FBXO24: variants seen among roughly 807,000 people sequenced by gnomAD.
The protein encoded by FBXO24 is F-box protein 24.
A neutral mutation model predicts 63.5 loss-of-function variants in FBXO24; 30 were observed. The ratio of observed to expected loss-of-function variants is 0.47; its 90% confidence interval spans 0.35 to 0.64. The LOEUF is 0.64. Ranked by LOEUF, FBXO24 falls within the 30% of genes least tolerant of loss-of-function variation. The probability of loss-of-function intolerance (pLI) is 0.00; values close to 1 mark genes in which losing one functional copy is unlikely to be tolerated. For missense variants in FBXO24, 624 were observed against 763.4 expected (o/e 0.82, Z 2.15); for synonymous variants, 300 against 305.0 (o/e 0.98, Z 0.17).
At position 100,594,409 on chromosome 7, in the gene FBXO24, G is replaced by C. The variant is rs760192842; in HGVS notation, c.820G>C (p.Val274Leu). ...TEEGKIYSLV[V>L]NETQLDQPRS... is the part of the protein sequence containing the mutation. ...GGAAGGAAAGATCTACTCTTTGGTA[G>C]TGAATGAGACCCAGCTTGACCAGCC... Residue 274 changes from valine (V) to leucine (L), a missense_variant, in exon 6 of 10, where the codon GTG becomes CTG. This residue lies in a region of FBXO24 where 391 missense variants were observed against 469.1 expected (regional missense o/e 0.83). Transcript: ENST00000241071. The surrounding 1 kb of genome is among the most constrained non-coding windows in gnomAD (Gnocchi z 4.2). The C allele has an allele frequency of 8.1e-6, 13 of 1,612,922 alleles. No homozygotes were observed. In the South Asian group the frequency reaches 1.4e-4, roughly 18 times the overall value.
chr7:100,601,015 G>A lies in FBXO24; in HGVS notation c.*116G>A, dbSNP rs570862841. The A allele has an allele frequency of 7.7e-4, 1,096 of 1,426,262 alleles. 20 individuals are homozygous for A. In the South Asian group the frequency reaches 0.012, roughly 16 times the overall value. 88.4% of individuals were successfully genotyped at this position (1,426,262 alleles called of 1,614,324 possible). ...GAAGGGGTTGCTAGGGGGTGGGGACGGCTAACCAGGGTAAGAATGTTCAGG... is the reference window on the plus strand; with the variant it reads ...GAAGGGGTTGCTAGGGGGTGGGGACAGCTAACCAGGGTAAGAATGTTCAGG... On this transcript the variant is annotated 3_prime_UTR_variant, in exon 10 of 10. Coordinates refer to ENST00000241071, the MANE Select transcript of FBXO24 (RefSeq NM_033506.3).
At position 100,600,740 on chromosome 7, in the gene FBXO24, T is replaced by C. The variant is rs578213092; in HGVS notation, c.1584T>C (p.Ser528=). ...AGGAGTACCTCAGCCAGATCCACAGTTGCCAAACGTTGCAGGACCGCACGG... is the reference window on the plus strand; with the variant it reads ...AGGAGTACCTCAGCCAGATCCACAGCTGCCAAACGTTGCAGGACCGCACGG... ...ACEEYLSQIH[S]CQTLQDRTEK... is the part of the protein sequence containing the mutation. Residue 528 remains serine, a synonymous_variant, in exon 10 of 10, where the codon AGT becomes AGC. Transcript: ENST00000241071. This position sits in a 1 kb window ranked among gnomAD's most constrained non-coding sequence, Gnocchi z 6.3. 3 of 1,614,100 alleles carry C rather than the reference T, an allele frequency of 1.9e-6. No individual in the cohort carries two copies. In the African/African-American group the frequency reaches 4.0e-5, roughly 22 times the overall value.
rs968062907 is a variant in FBXO24, at chr7:100,590,508, C to G, written c.322+151C>G. The G allele has an allele frequency of 3.7e-5, 29 of 788,314 alleles. 1 individual carries two copies. The highest frequency in any genetic ancestry group is 5.1e-5 in the Non-Finnish European group (26 of 511,940). 48.8% of individuals were successfully genotyped at this position (788,314 alleles called of 1,614,324 possible). ...AACGGGTCCAGTTCAAACATTCTCC[C>G]TTGAGTACTTCCTCCAAGTCTTCGG... On this transcript the variant is annotated intron_variant, in intron 3 of 9. Coordinates refer to ENST00000241071, the MANE Select transcript of FBXO24 (RefSeq NM_033506.3).
At position 100,586,481 on chromosome 7, in the gene FBXO24, C is replaced by A; in HGVS notation, c.-145C>A. 1 of 838,734 alleles carries A rather than the reference C, an allele frequency of 1.2e-6. No individual in the cohort carries two copies. The highest frequency in any genetic ancestry group is 2.0e-6 in the Non-Finnish European group (1 of 512,114). The allele number at this position is 838,734 out of a possible 1,614,324, so 52.0% of individuals were successfully genotyped here. ...AGCAGGAAAACGGGCCGAGGGACCG[C>A]AAGCAGGGGGTGCCTAGTCCTCGTC... is the stretch of plus-strand genomic sequence containing the variant. On this transcript the variant is annotated 5_prime_UTR_variant, in exon 1 of 10. Transcript: ENST00000241071.
chr7:100,587,789 T>C (rs1047879793), intron 1 of FBXO24, among the ~76,000 whole-genome samples: 2 of 149,856 alleles, frequency 1.3e-5, no homozygotes, highest in Non-Finnish European at 3.0e-5. Context: ...TTTGTAGAGA[T>C]GGGGTTTTGC....
At chr7:100,590,119 C>T in intron 2 of FBXO24, 44 bp downstream of exon 2, 1 of 1,606,778 alleles carries the variant, frequency 6.2e-7, no homozygotes, top group African/African-American at 1.3e-5. Context: ...GGATTGGGGG[C>T]CAGATCACCG....
rs1486035302 is a variant in FBXO24, at chr7:100,591,661, C to T, written c.323-6C>T. On this transcript the variant is annotated splice_region_variant and splice_polypyrimidine_tract_variant and intron_variant, in intron 3 of 9. Transcript: ENST00000241071. ...CTTGAACCTTCCATCTCCTTCCTTCCTCCAGACACGAAGGGCCTGTATTTC... is the reference window on the plus strand; with the variant it reads ...CTTGAACCTTCCATCTCCTTCCTTCTTCCAGACACGAAGGGCCTGTATTTC... The T allele has an allele frequency of 3.1e-6, 5 of 1,613,538 alleles. No homozygotes were observed. In the Admixed American group the frequency reaches 5.0e-5, roughly 16 times the overall value.
chr7:100,600,801 A>C lies in FBXO24; in HGVS notation c.1645A>C (p.Met549Leu). The C allele has an allele frequency of 6.2e-7, 1 of 1,614,148 alleles. No individual in the cohort carries two copies. The highest frequency in any genetic ancestry group is 8.5e-7 in the Non-Finnish European group (1 of 1,180,012). The change falls in exon 10 of 10, where the codon ATG (methionine) becomes CTG (leucine). Residue 549 changes from methionine (M) to leucine (L), a missense_variant. By Grantham distance (15) the Met-to-Leu change is conservative. Coordinates refer to ENST00000241071, the MANE Select transcript of FBXO24 (RefSeq NM_033506.3). This position sits in a 1 kb window ranked among gnomAD's most constrained non-coding sequence, Gnocchi z 6.3. ...GGAGATCGTAGGGTGGATGCCCCTGATGGCCGCACAGAAGGACTTCTTCTG... is the reference window on the plus strand; with the variant it reads ...GGAGATCGTAGGGTGGATGCCCCTGCTGGCCGCACAGAAGGACTTCTTCTG... ...MKEIVGWMPLMAAQKDFFWEA... is the reference protein window; with the variant it reads ...MKEIVGWMPLLAAQKDFFWEA...
At chr7:100,595,490 G>A in intron 7 of FBXO24, 85 bp from the exon 8 acceptor site, 1 of 1,445,132 alleles carries the variant, frequency 6.9e-7, no homozygotes, top group Non-Finnish European at 9.3e-7. Context: ...GCTGGGGATG[G>A]CAGGTTAGTG....
At chr7:100,593,625 T>A (rs1262421496) in intron 5 of FBXO24, among the ~76,000 whole-genome samples, 1 of 109,296 alleles carries the variant, frequency 9.1e-6, no homozygotes, top group African/African-American at 3.8e-5. Flanking sequence ...AGACTCCGTC[T>A]CAAAAAAAAA....
Position 100,586,401 on chromosome 7 carries a change from C to T in FBXO24, c.-225C>T, listed in dbSNP as rs972328523. 3 of 635,278 alleles carry T rather than the reference C, an allele frequency of 4.7e-6. No individual in the cohort carries two copies. Among genetic ancestry groups the T allele is most frequent in the Admixed American group, 2.8e-5 (1 of 35,484 alleles). The allele number at this position is 635,278 out of a possible 1,614,324, so 39.4% of individuals were successfully genotyped here. On this transcript the variant is annotated 5_prime_UTR_variant, in exon 1 of 10. Coordinates refer to ENST00000241071, the MANE Select transcript of FBXO24 (RefSeq NM_033506.3). ...CTGCACCCAATCACAATGCTCAGAT[C>T]GGGAGGTGGAGCCAATCAGGTCCAA... is the stretch of plus-strand genomic sequence containing the variant.
chr7:100,590,555 A>G (rs1801967069), intron 3 of FBXO24, among the ~76,000 whole-genome samples, 198 bp downstream of exon 3: 1 of 152,150 alleles, frequency 6.6e-6, no homozygotes, highest in African/African-American at 2.4e-5. Context: ...AGCCCCCGTT[A>G]GCGGCCTCCC....
intron 8 of FBXO24, chr7:100,599,567 C>CAAAA (rs559340460): frequency 5.8e-5 from 6 of 104,060 alleles, no homozygotes; most frequent in Admixed American, 1.0e-4. Flanking sequence ...CTGTCTCAAA[C>CAAAA]AAAAAAAAAA....
chr7:100,589,591 G>T, intron 1 of FBXO24: 1 of 1,447,380 alleles, frequency 6.9e-7, no homozygotes, highest in South Asian at 1.5e-5. Context: ...TGGGGGAGGG[G>T]CCTAGGAGGC....
At chr7:100,593,077 G>A (rs1802111945) in intron 5 of FBXO24, 60 bp downstream of exon 5, 4 of 1,442,528 alleles carry the variant, frequency 2.8e-6, no homozygotes, top group Non-Finnish European at 3.9e-6. Flanking sequence ...AGACCCTGCT[G>A]CAGAGGAGGG....
chr7:100,595,439 G>A, intron 7 of FBXO24, 136 bp from the exon 8 acceptor site: 2 of 1,281,948 alleles, frequency 1.6e-6, no homozygotes, highest in South Asian at 1.5e-5. Flanking sequence ...GGGCAACATA[G>A]TGAGATCCCA....
At chr7:100,597,803 G>A (rs188860962) in intron 8 of FBXO24, among the ~76,000 whole-genome samples, 111 of 152,020 alleles carry the variant, frequency 7.3e-4, no homozygotes, top group African/African-American at 2.4e-3. Flanking sequence ...CAGGGCTCAA[G>A]AGATCCTCCC....
At position 100,586,533 on chromosome 7, in the gene FBXO24, A is replaced by G. The variant is rs901751840; in HGVS notation, c.-93A>G. 7 of 1,335,714 alleles carry G rather than the reference A, an allele frequency of 5.2e-6. No homozygotes were observed. Among genetic ancestry groups the G allele is most frequent in the Admixed American group, 1.7e-5 (1 of 57,376 alleles). 82.7% of individuals were successfully genotyped at this position (1,335,714 alleles called of 1,614,324 possible). ...CCCAAAGACCAATCGTAAGCCAGAT[A>G]CAGGCGAGTGACTGTCAAGAAGGCC... is the stretch of plus-strand genomic sequence containing the variant. On this transcript the variant is annotated 5_prime_UTR_variant, in exon 1 of 10. In the 5' UTR this introduces an upstream ATG that the reference lacks. Coordinates refer to ENST00000241071, the MANE Select transcript of FBXO24 (RefSeq NM_033506.3).
intron 8 of FBXO24, among the ~76,000 whole-genome samples, chr7:100,597,876 T>G (rs1009690879): frequency 1.4e-5 from 2 of 140,636 alleles, no homozygotes; most frequent in Non-Finnish European, 3.2e-5. Flanking sequence ...TAAGTTTTTG[T>G]TTTTTTTGTT....
Sources: gnomAD v4.1 joint callset for allele counts (sites outside exome capture counted in the v4.1 genomes callset) on GRCh38, gnomAD v4.1.1 for gene constraint, gnomAD v4.1.1 regional missense constraint, Gnocchi (gnomAD v3.1) non-coding constraint, MANE v1.5 for transcripts, NCBI Gene and HGNC (gene_info 2026-07-23, HGNC 2026-07-21) for gene names.